Variants in CCNK observed in about 807,000 individuals in gnomAD.
CCNK encodes the protein cyclin-K.
Under a neutral mutation model 65.0 loss-of-function variants are expected in CCNK, and 9 were observed. The ratio of observed to expected loss-of-function variants is 0.14; its 90% CI spans 0.08 to 0.24. The LOEUF (loss-of-function observed/expected upper bound fraction) is 0.24, where lower values mean the gene tolerates loss of function less well. Ranked by LOEUF, CCNK falls within the 10% of genes least tolerant of loss-of-function variation. The pLI is 1.00. For synonymous variants in CCNK, 279 were observed against 270.8 expected, an observed-to-expected ratio of 1.03 and a Z score of -0.30; for missense variants, 474 against 720.0, an observed-to-expected ratio of 0.66 and a Z score of 3.91.
chr14:99,500,288 A>G (rs1896791945), intron 4 of CCNK: 1 of 167,224 alleles, frequency 6.0e-6, no homozygotes, highest in Non-Finnish European at 1.3e-5. Context: ...ACATGAGTAT[A>G]TATACACACA....
chr14:99,502,603 G>A (rs917100651), intron 7 of CCNK, 116 bp from the exon 8 acceptor site: 1 of 1,231,884 alleles, frequency 8.1e-7, no homozygotes, highest in Non-Finnish European at 1.1e-6. Context: ...GGGGTGAGTT[G>A]TAAATGTGAT....
chr14:99,487,567 G>A (rs1475311311), intron 1 of CCNK, among the ~76,000 whole-genome samples: 2 of 152,220 alleles, frequency 1.3e-5, no homozygotes, highest in Non-Finnish European at 2.9e-5. Context: ...TGAATCCCAT[G>A]AACTTAATAT....
chr14:99,498,147 C>T (rs1471971737), intron 4 of CCNK, among the ~76,000 whole-genome samples: 1 of 152,196 alleles, frequency 6.6e-6, no homozygotes, highest in African/African-American at 2.4e-5. Context: ...GTGGCAGCTG[C>T]TGGTTTGTGC....
chr14:99,512,080 T>TATCA lies in CCNK; in HGVS notation c.*1299_*1302dup, dbSNP rs1318278539. 6.6e-6 allele frequency: 1 copy of TATCA among 152,256 alleles called. No homozygotes were observed. Among genetic ancestry groups the TATCA allele is most frequent in the East Asian group, 1.9e-4 (1 of 5,196 alleles). 9.4% of individuals were successfully genotyped at this position (152,256 alleles called of 1,614,324 possible). A position where few individuals can be genotyped will look rare whatever the true frequency, so the allele number is the denominator to read the frequency against. On this transcript the variant is annotated 3_prime_UTR_variant, in exon 11 of 11. Coordinates refer to ENST00000389879, the MANE Select transcript of CCNK (RefSeq NM_001099402.2). The stretch of plus-strand genomic sequence containing the variant: ...TATTTATCTAGCTCAAAGTAGACAC[T>TATCA]ATCACAATCTTGTTTGTTACTCCTT...
chr14:99,486,300 A>G (rs572561044), intron 1 of CCNK, among the ~76,000 whole-genome samples: 1 of 152,304 alleles, frequency 6.6e-6, no homozygotes, highest in South Asian at 2.1e-4. Flanking sequence ...TTAGTCTGCA[A>G]GTGGGTAAAT....
At chr14:99,493,907 T>G (rs1162067922) in intron 3 of CCNK, 1 of 232,128 alleles carries the variant, frequency 4.3e-6, no homozygotes, top group Non-Finnish European at 8.4e-6. Context: ...GAAAGCAAAA[T>G]GGAACAGAAG....
At chr14:99,481,781 G>T (rs1331873987) in intron 1 of CCNK, among the ~76,000 whole-genome samples, 1 of 152,248 alleles carries the variant, frequency 6.6e-6, no homozygotes, top group African/African-American at 2.4e-5. Context: ...TGGGCAAAAG[G>T]GGCAGCGGTG....
rs1897118715 is a variant in CCNK, at chr14:99,511,030, C to T, written c.*248C>T. The T allele has an allele frequency of 2.9e-6, 1 of 344,486 alleles. No homozygotes were observed. The highest frequency in any genetic ancestry group is 1.5e-4 in the South Asian group (1 of 6,832). 21.3% of individuals were successfully genotyped at this position (344,486 alleles called of 1,614,324 possible). On this transcript the variant is annotated 3_prime_UTR_variant, in exon 11 of 11. Coordinates refer to ENST00000389879, the MANE Select transcript of CCNK (RefSeq NM_001099402.2). ...TGTGTACACTTGGTTCAGCTAATGT[C>T]TGAGAGTCCTGCACTGGGTTACTTT...
chr14:99,498,353 CT>C (rs1367983807), intron 4 of CCNK, among the ~76,000 whole-genome samples: 1 of 152,178 alleles, frequency 6.6e-6, no homozygotes, highest in Non-Finnish European at 1.5e-5. Flanking sequence ...AACCTGCCCC[CT>C]GCCTCTCTAT....
chr14:99,485,532 G>T (rs1203716592), intron 1 of CCNK, among the ~76,000 whole-genome samples: 8 of 152,082 alleles, frequency 5.3e-5, no homozygotes, highest in African/African-American at 1.9e-4. Flanking sequence ...CCCTTGACCA[G>T]TTAGCCTCCC....
At position 99,492,723 on chromosome 14, in the gene CCNK, A is replaced by C. The variant is rs1304131376; in HGVS notation, c.46A>C (p.Asn16His). ...ENSSPSVTSA[N>H]LDHTKPCWYW... Reference sequence around the variant, plus strand: ...TTCAAGCCCTTCAGTAACTTCAGCAAACCTGGACCACACAAAGCCATGTTG... The same window carrying C: ...TTCAAGCCCTTCAGTAACTTCAGCACACCTGGACCACACAAAGCCATGTTG... Residue 16 changes from asparagine (N) to histidine (H), a missense_variant, in exon 2 of 11, where the codon AAC (asparagine) becomes CAC (histidine). Asn to His is a moderately conservative substitution (Grantham distance 68). Coordinates refer to ENST00000389879, the MANE Select transcript of CCNK (RefSeq NM_001099402.2). 5.0e-6 allele frequency: 8 copies of C among 1,611,956 alleles called. No homozygotes were observed. In the East Asian group the frequency reaches 1.8e-4, roughly 36 times the overall value.
At chr14:99,502,126 T>G in intron 6 of CCNK, 81 bp from the exon 7 acceptor site, 1 of 1,382,068 alleles carries the variant, frequency 7.2e-7, no homozygotes, top group Non-Finnish European at 9.6e-7. Flanking sequence ...AATTAATGGT[T>G]AGTTATGGCA....
At chr14:99,504,018 AG>A in intron 9 of CCNK, 2 of 363,734 alleles carry the variant, frequency 5.5e-6, no homozygotes, top group Admixed American at 4.0e-5. Flanking sequence ...GGGGGGCAGT[AG>A]GGGGTGGTGT....
At chr14:99,505,058 G>A (rs993713135) in intron 9 of CCNK, 4 of 152,252 alleles carry the variant, frequency 2.6e-5, no homozygotes, top group African/African-American at 9.7e-5. Context: ...TCTAAAATGT[G>A]GGTTAGGACC....
rs1391969690 is a variant in CCNK at position 99,512,318 on chromosome 14, G to T, written c.*1536G>T. ...AATAGACGTAGCTGCCGGGCCCGGG[G>T]ACAGAAACCAGACGTTCCAGTCCAT... On this transcript the variant is annotated 3_prime_UTR_variant, in exon 11 of 11. Transcript: ENST00000389879. The T allele has an allele frequency of 6.6e-6, 1 of 151,848 alleles. No individual in the cohort carries two copies. Among genetic ancestry groups the T allele is most frequent in the African/African-American group, 2.4e-5 (1 of 41,300 alleles). The allele number at this position is 151,848 out of a possible 1,614,324, so 9.4% of individuals were successfully genotyped here. A position where few individuals can be genotyped will look rare whatever the true frequency, so the allele number is the denominator to read the frequency against.
chr14:99,491,652 AATATTCAGCCCCACCATGTCAC>A (rs1399343194), intron 1 of CCNK, among the ~76,000 whole-genome samples: 3 of 152,208 alleles, frequency 2.0e-5, no homozygotes, highest in African/African-American at 7.2e-5. Flanking sequence ...CAAGGAGGAG[AATATTCAGCCCCACCATGTCAC>A]CTTCCCCACC....
At chr14:99,495,766 T>C (rs1449734766) in intron 4 of CCNK, 137 bp downstream of exon 4, 1 of 680,260 alleles carries the variant, frequency 1.5e-6, no homozygotes, top group Non-Finnish European at 2.4e-6. Context: ...CTGTAGAAGT[T>C]ACTTGATGCT....
chr14:99,493,022 T>G (rs927611753), intron 2 of CCNK, 148 bp downstream of exon 2: 6 of 742,588 alleles, frequency 8.1e-6, no homozygotes, highest in Non-Finnish European at 1.2e-5. Context: ...CTGGTGGGGG[T>G]TTTTCTCTTT....
At chr14:99,497,999 C>G (rs1479200217) in intron 4 of CCNK, among the ~76,000 whole-genome samples, 3 of 152,174 alleles carry the variant, frequency 2.0e-5, no homozygotes, top group Admixed American at 2.0e-4. Context: ...TGTGTCCTAA[C>G]GTGATAAGTC....
Sources: gnomAD v4.1 joint callset for allele counts (sites outside exome capture counted in the v4.1 genomes callset) on GRCh38, gnomAD v4.1.1 for gene constraint, MANE v1.5 for transcripts, NCBI Gene and HGNC (gene_info 2026-07-23, HGNC 2026-07-21) for gene names.